FBXW11: variants seen among roughly 807,000 people sequenced by gnomAD.
The protein encoded by FBXW11 is F-box/WD repeat-containing protein 11.
In FBXW11, 19 loss-of-function variants were observed where a neutral mutation model predicts 77.6. The ratio of observed to expected loss-of-function variants is 0.24; its 90% confidence interval spans 0.17 to 0.36. FBXW11 has a LOEUF of 0.36. Among genes scored for constraint, FBXW11 ranks in the 10% least tolerant of loss-of-function variants. The pLI is 1.00. For missense variants in FBXW11, 334 were observed against 704.2 expected (o/e 0.47, Z 5.95); for synonymous variants, 235 against 249.4 (o/e 0.94, Z 0.54).
chr5:171,973,461 T>C (rs887101277), intron 1 of FBXW11, among the ~76,000 whole-genome samples: 3 of 152,040 alleles, frequency 2.0e-5, no homozygotes, highest in African/African-American at 7.2e-5. Flanking sequence ...CAAATTCCAA[T>C]AGAGGGCATC....
intron 6 of FBXW11, among the ~76,000 whole-genome samples, chr5:171,896,862 G>C (rs544411475): frequency 2.0e-4 from 30 of 152,314 alleles, no homozygotes; most frequent in African/African-American, 6.5e-4. Flanking sequence ...CATACGGACA[G>C]AGCCAAGCCC....
chr5:171,887,036 A>G (rs910927104), intron 7 of FBXW11, among the ~76,000 whole-genome samples: 1 of 152,160 alleles, frequency 6.6e-6, no homozygotes, highest in Non-Finnish European at 1.5e-5. Flanking sequence ...AAGAAAAAAA[A>G]AATTAAAAAT....
At chr5:171,935,553 C>T (rs1222466774) in intron 2 of FBXW11, among the ~76,000 whole-genome samples, 5 of 151,898 alleles carry the variant, frequency 3.3e-5, no homozygotes, top group Non-Finnish European at 5.9e-5. Context: ...AATTGTTAGA[C>T]TTTAAAAATA....
intron 1 of FBXW11, among the ~76,000 whole-genome samples, chr5:171,988,941 C>A (rs548106234): frequency 6.6e-6 from 1 of 152,252 alleles, no homozygotes; most frequent in Admixed American, 6.5e-5. Context: ...CTTTGGGAGG[C>A]CGAGGTGGGC....
intron 1 of FBXW11, among the ~76,000 whole-genome samples, chr5:171,961,525 T>G (rs1197824209): frequency 2.0e-5 from 3 of 152,220 alleles, no homozygotes; most frequent in Non-Finnish European, 2.9e-5. Context: ...AGGTTCCTCT[T>G]AGGTCTTAGA....
At chr5:171,954,319 T>C (rs1446132243) in intron 2 of FBXW11, among the ~76,000 whole-genome samples, 2 of 152,228 alleles carry the variant, frequency 1.3e-5, no homozygotes, top group South Asian at 2.1e-4. Flanking sequence ...TAAATAAATG[T>C]GTAACCTTAG....
chr5:171,916,618 AG>A (rs1761270693), intron 2 of FBXW11, among the ~76,000 whole-genome samples: 1 of 152,162 alleles, frequency 6.6e-6, no homozygotes, highest in Non-Finnish European at 1.5e-5. Flanking sequence ...GGGACCTAAG[AG>A]TTTAAAGCAA....
At chr5:171,986,737 G>A (rs4868134) in intron 1 of FBXW11, among the ~76,000 whole-genome samples, 29 of 149,674 alleles carry the variant, frequency 1.9e-4, no homozygotes, top group Middle Eastern at 3.4e-3. Context: ...AAAAAAAAAA[G>A]AAAAAAAAAA....
chr5:171,969,648 T>C lies in FBXW11; in HGVS notation c.46-11950A>G, dbSNP rs78939253. On this transcript the variant is annotated intron_variant, in intron 1 of 13. Coordinates refer to ENST00000517395, the MANE Select transcript of FBXW11 (RefSeq NM_001378974.1). ...CTAAATTCCTAAAGTATGAAACATTTTAAATAAATGCAGTTCCACTGCCTT... is the reference window on the plus strand; with the variant it reads ...CTAAATTCCTAAAGTATGAAACATTCTAAATAAATGCAGTTCCACTGCCTT... Among the ~76,000 whole-genome samples, 1,109 of 152,326 alleles carry C rather than the reference T, an allele frequency of 7.3e-3. 13 individuals carry two copies. The highest frequency in any genetic ancestry group is 0.042 in the East Asian group (216 of 5,190).
chr5:171,991,160 T>C (rs575519896), intron 1 of FBXW11, among the ~76,000 whole-genome samples: 54 of 152,244 alleles, frequency 3.5e-4, no homozygotes, highest in Admixed American at 2.5e-3. Context: ...ACAGATATAG[T>C]AATTCATTCA....
intron 6 of FBXW11, among the ~76,000 whole-genome samples, chr5:171,893,276 G>A (rs954235512): frequency 6.6e-6 from 1 of 151,744 alleles, no homozygotes; most frequent in African/African-American, 2.4e-5. Context: ...CCAATGCTCA[G>A]GAGATACAAG....
chr5:171,961,438 C>G (rs763197140), intron 1 of FBXW11, among the ~76,000 whole-genome samples: 1 of 152,210 alleles, frequency 6.6e-6, no homozygotes, highest in Non-Finnish European at 1.5e-5. Context: ...ATCATCTCTA[C>G]TCAACAGAAA....
At chr5:171,967,866 A>G (rs1485079502) in intron 1 of FBXW11, among the ~76,000 whole-genome samples, 6 of 24,490 alleles carry the variant, frequency 2.4e-4, no homozygotes, top group African/African-American at 4.4e-4. Flanking sequence ...ATATATATAT[A>G]TATATATATA....
intron 7 of FBXW11, among the ~76,000 whole-genome samples, chr5:171,890,775 G>A (rs1188157159): frequency 1.3e-5 from 2 of 152,130 alleles, no homozygotes; most frequent in African/African-American, 2.4e-5. Flanking sequence ...GAAAAGCCCA[G>A]GATAAGAAAC....
chr5:171,959,781 C>G (rs1763799628), intron 1 of FBXW11, among the ~76,000 whole-genome samples: 1 of 149,946 alleles, frequency 6.7e-6, no homozygotes, highest in Non-Finnish European at 1.5e-5. Flanking sequence ...ACCTGGGAGT[C>G]AGAGGTTGCA....
intron 13 of FBXW11, among the ~76,000 whole-genome samples, chr5:171,866,760 G>A (rs1757421795): frequency 6.6e-6 from 1 of 152,180 alleles, no homozygotes; most frequent in African/African-American, 2.4e-5. Flanking sequence ...ATTGGGAGGG[G>A]AGGTCAGGGG....
intron 1 of FBXW11, among the ~76,000 whole-genome samples, chr5:171,959,880 A>AAGAAG (rs1370484664): frequency 6.6e-6 from 1 of 151,942 alleles, no homozygotes; most frequent in African/African-American, 2.4e-5. Context: ...AAGAAAAGAA[A>AAGAAG]AAAAACCAGC....
chr5:171,929,713 A>G (rs1405909168), intron 2 of FBXW11, among the ~76,000 whole-genome samples: 2 of 151,794 alleles, frequency 1.3e-5, no homozygotes, highest in Non-Finnish European at 2.9e-5. Flanking sequence ...TTAGCCGGGC[A>G]TGGTGGCAGG....
intron 13 of FBXW11, among the ~76,000 whole-genome samples, chr5:171,867,405 T>C (rs1432915047): frequency 6.6e-6 from 1 of 152,128 alleles, no homozygotes; most frequent in Non-Finnish European, 1.5e-5. Flanking sequence ...TTCTTTTAAT[T>C]TTTTTAAGCA....
Sources: gnomAD v4.1 joint callset for allele counts (sites outside exome capture counted in the v4.1 genomes callset) on GRCh38, gnomAD v4.1.1 for gene constraint, MANE v1.5 for transcripts, NCBI Gene and HGNC (gene_info 2026-07-23, HGNC 2026-07-21) for gene names.